Variants in CIRBP observed in about 807,000 individuals in gnomAD.
CIRBP encodes the protein cold inducible RNA binding protein.
Under a neutral mutation model 22.3 loss-of-function variants are expected in CIRBP, and 11 were observed. The observed-to-expected ratio is 0.49, with a 90% CI of 0.31 to 0.82. The LOEUF is 0.82. Among genes scored for constraint, CIRBP ranks in the 40% least tolerant of loss-of-function variants. The pLI, the probability that CIRBP is intolerant of heterozygous loss-of-function variation, is 0.05. For missense variants in CIRBP, 456 were observed against 402.7 expected, an observed-to-expected ratio of 1.13 and a Z score of -1.13; for synonymous variants, 216 against 158.8, an observed-to-expected ratio of 1.36 and a Z score of -2.71.
Position 1,270,871 on chromosome 19 carries a change from C to T in CIRBP, c.-6-57C>T, listed in dbSNP as rs984976479. ...CATGTCATTTACATAAAATAGGAAGCGGGGAGAGGTGGTGAGAGATGACCC... is the reference window on the plus strand; with the variant it reads ...CATGTCATTTACATAAAATAGGAAGTGGGGAGAGGTGGTGAGAGATGACCC... On this transcript the variant is annotated intron_variant, in intron 1 of 5. Transcript: ENST00000587896. 27 of 1,025,142 alleles carry T rather than the reference C, an allele frequency of 2.6e-5. 1 individual carries two copies. The highest frequency in any genetic ancestry group is 8.0e-5 in the African/African-American group (5 of 62,704). The allele number at this position is 1,025,142 out of a possible 1,614,324, so 63.5% of individuals were successfully genotyped here.
rs550382253 is a variant in CIRBP at position 1,272,188 on chromosome 19, C to G, written c.639C>G (p.Ser213=). 1.1e-4 allele frequency: 178 copies of G among 1,597,618 alleles called. No individual in the cohort carries two copies. In the African/African-American group the frequency reaches 2.0e-3, roughly 18 times the overall value. The change falls in exon 6 of 6, where the codon TCC becomes TCG. Residue 213 remains serine (S), a synonymous_variant. Transcript: ENST00000587896. ...HCACPEEAHL[S]SQSHFYRRTQ... is the part of the protein sequence containing the mutation. ...CTTGCCCAGAAGAGGCGCATCTGTCCTCTCAGAGCCATTTCTATCGCAGGA... is the reference window on the plus strand; with the variant it reads ...CTTGCCCAGAAGAGGCGCATCTGTCGTCTCAGAGCCATTTCTATCGCAGGA...
chr19:1,269,714 CG>C (rs1167745475), intron 1 of CIRBP: 1 of 355,682 alleles, frequency 2.8e-6, no homozygotes, highest in Non-Finnish European at 5.5e-6. Context: ...AGGGTGCGCG[CG>C]GGGCGCATGC....
At position 1,272,233 on chromosome 19, in the gene CIRBP, T is replaced by G; in HGVS notation, c.684T>G (p.Thr228=). ...FYRRTQKPNE[T]DQKGKGERGP... is the part of the protein sequence containing the mutation. The stretch of plus-strand genomic sequence containing the variant: ...GCAGGACGCAAAAGCCAAATGAGAC[T>G]GACCAAAAAGGCAAGGGAGAGCGAG... The change falls in exon 6 of 6, where the codon ACT becomes ACG. Residue 228 remains threonine, a synonymous_variant. Coordinates refer to ENST00000587896, the MANE Select transcript of CIRBP (RefSeq NM_001300829.2). 6.2e-7 allele frequency: 1 copy of G among 1,600,442 alleles called. No homozygotes were observed. Among genetic ancestry groups the G allele is most frequent in the South Asian group, 1.1e-5 (1 of 90,466 alleles).
At chr19:1,269,993 G>A (rs764568551) in intron 1 of CIRBP, 1 of 519,768 alleles carries the variant, frequency 1.9e-6, no homozygotes, top group African/African-American at 1.9e-5. Flanking sequence ...AGACTTCCAA[G>A]TCTAGTTCTC....
At chr19:1,271,669 C>A (rs1228556724) in intron 5 of CIRBP, 37 bp downstream of exon 5, 1 of 1,315,710 alleles carries the variant, frequency 7.6e-7, no homozygotes, top group East Asian at 2.3e-5. Flanking sequence ...GGGGTGGTTG[C>A]GGGATGGCCA....
At position 1,273,957 on chromosome 19, in the gene CIRBP, G is replaced by T. The variant is rs549305621; in HGVS notation, c.*1514G>T. On this transcript the variant is annotated 3_prime_UTR_variant, in exon 6 of 6. Transcript: ENST00000587896. ...ATGAAATCCCTTAAGCAGGATTGAAGACCAGTGAACGCCCCCGCCTTTTGG... is the reference window on the plus strand; with the variant it reads ...ATGAAATCCCTTAAGCAGGATTGAATACCAGTGAACGCCCCCGCCTTTTGG... The T allele has an allele frequency of 2.3e-3, 485 of 209,502 alleles. No homozygotes were observed. Among genetic ancestry groups the T allele is most frequent in the Non-Finnish European group, 3.6e-3 (384 of 106,122 alleles). The allele number at this position is 209,502 out of a possible 1,614,324, so 13.0% of individuals were successfully genotyped here. A position where few individuals can be genotyped will look rare whatever the true frequency, so the allele number is the denominator to read the frequency against.
At chr19:1,271,524 G>A (rs1308429024) in intron 4 of CIRBP, 27 bp from the exon 5 acceptor site, 34 of 1,598,874 alleles carry the variant, frequency 2.1e-5, no homozygotes, top group Non-Finnish European at 2.9e-5. Context: ...GGTGGGAGCT[G>A]GTACTCACTT....
rs772366352 is a variant in CIRBP, at chr19:1,272,404, CTG to C, written c.858_859del (p.Ala287LeufsTer36). 1.3e-6 allele frequency: 2 copies of C among 1,577,446 alleles called. No homozygotes were observed. Among genetic ancestry groups the C allele is most frequent in the South Asian group, 1.2e-5 (1 of 86,168 alleles). On this transcript the variant is annotated frameshift_variant, in exon 6 of 6. Transcript: ENST00000587896. LOFTEE classifies it high-confidence loss of function. ...LPLVASVPLHCACFLSSATHN... is the reference protein window; with the variant it reads ...LPLVASVPLHXACFLSSATHN... ...CTCTTGTTGCTTCGGTGCCTTTACA[CTG>C]TGCCTGCTTCTTGTCCTCAGCTACA... is the stretch of plus-strand genomic sequence containing the variant.
At position 1,272,493 on chromosome 19, in the gene CIRBP, T is replaced by C. The variant is rs1453062311; in HGVS notation, c.*50T>C. 2.1e-6 allele frequency: 3 copies of C among 1,424,022 alleles called. No homozygotes were observed. Among genetic ancestry groups the C allele is most frequent in the Admixed American group, 2.3e-5 (1 of 43,718 alleles). 88.2% of individuals were successfully genotyped at this position (1,424,022 alleles called of 1,614,324 possible). On this transcript the variant is annotated 3_prime_UTR_variant, in exon 6 of 6. Coordinates refer to ENST00000587896, the MANE Select transcript of CIRBP (RefSeq NM_001300829.2). ...CTTCCAATGGCTGTGTGTTTAAAGATTGTGGGAGCTTCGCTGAACGTTAAT... is the reference window on the plus strand; with the variant it reads ...CTTCCAATGGCTGTGTGTTTAAAGACTGTGGGAGCTTCGCTGAACGTTAAT...
chr19:1,269,684 G>T, intron 1 of CIRBP: 1 of 313,444 alleles, frequency 3.2e-6, no homozygotes, highest in South Asian at 2.4e-5. Flanking sequence ...GGAGCGCCGA[G>T]TTCCCGGATG....
intron 1 of CIRBP, chr19:1,269,872 G>A (rs1346689779): frequency 1.9e-6 from 1 of 519,894 alleles, no homozygotes; most frequent in Non-Finnish European, 3.8e-6. Context: ...TGAGGGAAAG[G>A]ACGGCCTCGT....
chr19:1,273,970 C>T lies in CIRBP; in HGVS notation c.*1527C>T, dbSNP rs930381714. 1.3e-5 allele frequency: 3 copies of T among 227,952 alleles called. No individual in the cohort carries two copies. The highest frequency in any genetic ancestry group is 2.5e-5 in the Non-Finnish European group (3 of 118,166). 14.1% of individuals were successfully genotyped at this position (227,952 alleles called of 1,614,324 possible). A position where few individuals can be genotyped will look rare whatever the true frequency, so the allele number is the denominator to read the frequency against. ...AGCAGGATTGAAGACCAGTGAACGC[C>T]CCCGCCTTTTGGATTTTTTGCTCAA... On this transcript the variant is annotated 3_prime_UTR_variant, in exon 6 of 6. Coordinates refer to ENST00000587896, the MANE Select transcript of CIRBP (RefSeq NM_001300829.2).
At position 1,274,633 on chromosome 19, in the gene CIRBP, TTCC is replaced by T. The variant is rs1367938771; in HGVS notation, c.*2198_*2200del. ...GGAGCCCGCGCCTGTTCTCCCTCCC[TTCC>T]TCCTCCTTCCAGGAGGCGCTTCGCC... On this transcript the variant is annotated 3_prime_UTR_variant, in exon 6 of 6. Coordinates refer to ENST00000587896, the MANE Select transcript of CIRBP (RefSeq NM_001300829.2). The T allele has an allele frequency of 4.9e-5, 12 of 244,552 alleles. No individual in the cohort carries two copies. The highest frequency in any genetic ancestry group is 3.9e-4 in the Admixed American group (7 of 17,738). The allele number at this position is 244,552 out of a possible 1,614,324, so 15.1% of individuals were successfully genotyped here.
intron 1 of CIRBP, chr19:1,270,094 G>C (rs753769300): frequency 1.5e-5 from 8 of 519,650 alleles, no homozygotes; most frequent in Non-Finnish European, 2.3e-5. Flanking sequence ...TCTCCTAAAT[G>C]CCACTTCCCC....
chr19:1,273,672 C>T lies in CIRBP; in HGVS notation c.*1229C>T, dbSNP rs1347370021. ...ACAGAACCCTCTGAGACGCAAGCTG[C>T]TCCCTTGGCTAGCTCATATGTGGAA... is the stretch of plus-strand genomic sequence containing the variant. On this transcript the variant is annotated 3_prime_UTR_variant, in exon 6 of 6. Coordinates refer to ENST00000587896, the MANE Select transcript of CIRBP (RefSeq NM_001300829.2). 2 of 152,248 alleles carry T rather than the reference C, an allele frequency of 1.3e-5. No individual in the cohort carries two copies. The allele number at this position is 152,248 out of a possible 1,614,324, so 9.4% of individuals were successfully genotyped here.
In CIRBP at chr19:1,274,542, G is replaced by A; in HGVS notation, c.*2099G>A. 2.7e-6 allele frequency: 1 copy of A among 371,258 alleles called. No homozygotes were observed. The highest frequency in any genetic ancestry group is 3.8e-5 in the East Asian group (1 of 26,166). 23.0% of individuals were successfully genotyped at this position (371,258 alleles called of 1,614,324 possible). The stretch of plus-strand genomic sequence containing the variant: ...GCTCTCCCGCACCTATGGCCCCATG[G>A]CGGGCGCCTTTCGGTGTGTGTTGGG... On this transcript the variant is annotated 3_prime_UTR_variant, in exon 6 of 6. Transcript: ENST00000587896.
chr19:1,271,403 T>C lies in CIRBP; in HGVS notation c.285T>C (p.Gly95=). 6.2e-7 allele frequency: 1 copy of C among 1,613,784 alleles called. No individual in the cohort carries two copies. Among genetic ancestry groups the C allele is most frequent in the Non-Finnish European group, 8.5e-7 (1 of 1,179,966 alleles). ...SSDNRSRGYR[G]GSAGGRGFFR... ...ACAACCGATCCCGTGGGTACCGTGG[T>C]GGCTCTGCCGGGGGCCGGGGCTTCT... Residue 95 remains glycine, a synonymous_variant, in exon 4 of 6, where the codon GGT becomes GGC. Coordinates refer to ENST00000587896, the MANE Select transcript of CIRBP (RefSeq NM_001300829.2).
rs942568040 is a variant in CIRBP at position 1,272,467 on chromosome 19, C to T, written c.*24C>T. 4.7e-6 allele frequency: 7 copies of T among 1,502,488 alleles called. No individual in the cohort carries two copies. The highest frequency in any genetic ancestry group is 6.3e-6 in the Non-Finnish European group (7 of 1,118,016). The allele number at this position is 1,502,488 out of a possible 1,614,324, so 93.1% of individuals were successfully genotyped here. On this transcript the variant is annotated 3_prime_UTR_variant, in exon 6 of 6. Transcript: ENST00000587896. ...AAAAACCCTTCCTGCTCAAGATCGT[C>T]CTTCCAATGGCTGTGTGTTTAAAGA...
chr19:1,272,409 C>G lies in CIRBP; in HGVS notation c.860C>G (p.Ala287Gly). The change falls in exon 6 of 6, where the codon GCC becomes GGC. Residue 287 changes from alanine (A) to glycine (G), a missense_variant. Ala to Gly is a moderately conservative substitution (Grantham distance 60). This residue lies in a region of CIRBP where 426 missense variants were observed against 339.6 expected (regional missense o/e 1.25). Transcript: ENST00000587896. Reference protein sequence around the residue: ...PLVASVPLHCACFLSSATHNE With the variant: ...PLVASVPLHCGCFLSSATHNE ...GTTGCTTCGGTGCCTTTACACTGTG[C>G]CTGCTTCTTGTCCTCAGCTACACAC... is the stretch of plus-strand genomic sequence containing the variant. The G allele has an allele frequency of 6.4e-7, 1 of 1,571,852 alleles. No individual in the cohort carries two copies. The highest frequency in any genetic ancestry group is 8.6e-7 in the Non-Finnish European group (1 of 1,160,076).
Sources: allele counts gnomAD v4.1 joint callset, GRCh38; gene constraint gnomAD v4.1.1; regional missense constraint gnomAD v4.1.1; transcripts MANE v1.5; gene names NCBI Gene and HGNC (gene_info 2026-07-23, HGNC 2026-07-21).